Variants in GALNT13 observed in about 807,000 individuals in gnomAD.
The protein encoded by GALNT13 is polypeptide N-acetylgalactosaminyltransferase 13, also known as UDP-GalNAc:polypeptide N-acetylgalactosaminyltransferase 13.
Under a neutral mutation model 64.2 loss-of-function variants are expected in GALNT13, and 28 were observed. The ratio of observed to expected loss-of-function variants is 0.44; its 90% CI spans 0.32 to 0.60. The LOEUF (loss-of-function observed/expected upper bound fraction) is 0.60, where lower values mean the gene tolerates loss of function less well. Among genes scored for constraint, GALNT13 ranks in the 20% least tolerant of loss-of-function variants. GALNT13 has a pLI of 0.05. For synonymous variants in GALNT13, 214 were observed against 224.6 expected (o/e 0.95, Z 0.42); for missense variants, 577 against 669.8 (o/e 0.86, Z 1.53).
chr2:154,086,131 CAT>C (rs890312828), intron 3 of GALNT13, among the ~76,000 whole-genome samples: 22 of 147,850 alleles, frequency 1.5e-4, no homozygotes, highest in African/African-American at 5.4e-4. Context: ...GATTATATAT[CAT>C]ATAATAAAGT....
chr2:153,950,982 A>G (rs572038701), intron 3 of GALNT13, among the ~76,000 whole-genome samples: 29 of 152,258 alleles, frequency 1.9e-4, no homozygotes, highest in African/African-American at 6.5e-4. Flanking sequence ...AATACTGCTT[A>G]AAACACTAAA....
chr2:153,980,541 G>A (rs1193616531), intron 3 of GALNT13, among the ~76,000 whole-genome samples: 10 of 152,252 alleles, frequency 6.6e-5, no homozygotes, highest in South Asian at 2.1e-4. Flanking sequence ...GAGGTGTCGC[G>A]TGGGTGATCA....
the GALNT13 span, among the ~76,000 whole-genome samples, chr2:153,267,042 C>T: frequency 1.3e-5 from 2 of 152,222 alleles, no homozygotes; most frequent in Non-Finnish European, 2.9e-5. Context: ...TTGGCCAAAA[C>T]AAAGGGGCCA....
intron 4 of GALNT13, among the ~76,000 whole-genome samples, chr2:154,171,592 T>C (rs1165609668): frequency 6.6e-6 from 1 of 152,078 alleles, no homozygotes; most frequent in African/African-American, 2.4e-5. Context: ...GAACATACTT[T>C]TCTGAACTCT....
chr2:154,026,003 G>C (rs574285536), intron 3 of GALNT13, among the ~76,000 whole-genome samples: 1 of 152,266 alleles, frequency 6.6e-6, no homozygotes, highest in African/African-American at 2.4e-5. Flanking sequence ...CATTATATAA[G>C]GAATGGGTAT....
the GALNT13 span, among the ~76,000 whole-genome samples, chr2:153,280,018 C>G: frequency 6.6e-6 from 1 of 152,146 alleles, no homozygotes; most frequent in Admixed American, 6.5e-5. Context: ...GGTTGGTAGA[C>G]TTTTTATTAC....
intron 7 of GALNT13, chr2:154,257,844 G>T (rs1357163629): frequency 6.6e-6 from 1 of 152,108 alleles, no homozygotes; most frequent in Non-Finnish European, 1.5e-5. Context: ...AAAACATTTG[G>T]TTTTTAACAG....
the GALNT13 span, among the ~76,000 whole-genome samples, chr2:153,823,151 C>T: frequency 6.6e-6 from 1 of 152,150 alleles, no homozygotes; most frequent in African/African-American, 2.4e-5. Flanking sequence ...AAAACCACTC[C>T]AAGCTCATGA....
At chr2:153,733,504 C>T in the GALNT13 span, among the ~76,000 whole-genome samples, 1 of 152,162 alleles carries the variant, frequency 6.6e-6, no homozygotes, top group Non-Finnish European at 1.5e-5. Context: ...TCCTAATTGT[C>T]TCTCCCAATA....
At chr2:153,093,053 T>TA in the GALNT13 span, among the ~76,000 whole-genome samples, 1 of 150,496 alleles carries the variant, frequency 6.6e-6, no homozygotes, top group African/African-American at 2.5e-5. Context: ...GTTTTTTTTT[T>TA]AATCATGAAG....
the GALNT13 span, among the ~76,000 whole-genome samples, chr2:153,843,952 T>C: frequency 6.6e-6 from 1 of 152,192 alleles, no homozygotes; most frequent in African/African-American, 2.4e-5. Context: ...CCCCTGTGGC[T>C]TTGCAGGGGC....
intron 3 of GALNT13, among the ~76,000 whole-genome samples, chr2:154,127,709 CGT>C (rs1553481965): frequency 9.8e-4 from 123 of 125,892 alleles, no homozygotes; most frequent in African/African-American, 2.8e-3. Flanking sequence ...CACACACACA[CGT>C]GTGTGTGTGT....
At chr2:153,718,757 T>C in the GALNT13 span, among the ~76,000 whole-genome samples, 1 of 152,200 alleles carries the variant, frequency 6.6e-6, no homozygotes, top group African/African-American at 2.4e-5. Flanking sequence ...CTATGTGTTG[T>C]TAAGAACAAT....
At chr2:153,862,891 C>T in the GALNT13 span, among the ~76,000 whole-genome samples, 11 of 152,060 alleles carry the variant, frequency 7.2e-5, no homozygotes, top group Non-Finnish European at 1.5e-5. Context: ...TAAAGAATAT[C>T]CCTTTATTTA....
At chr2:153,887,716 G>A (rs1180548800) in intron 1 of GALNT13, among the ~76,000 whole-genome samples, 4 of 151,924 alleles carry the variant, frequency 2.6e-5, no homozygotes, top group Non-Finnish European at 5.9e-5. Flanking sequence ...TTTGTTAGGT[G>A]TTCTGTGTTA....
the GALNT13 span, among the ~76,000 whole-genome samples, chr2:153,079,084 G>A: frequency 1.1e-4 from 17 of 152,166 alleles, no homozygotes; most frequent in South Asian, 4.2e-4. Context: ...ATTAGGAGAC[G>A]ACTGCCACTG....
chr2:154,363,506 T>A (rs1172389310), intron 9 of GALNT13, among the ~76,000 whole-genome samples: 6 of 152,154 alleles, frequency 3.9e-5, no homozygotes. Flanking sequence ...GCAATTTTGT[T>A]GCAATCACTG....
the GALNT13 span, among the ~76,000 whole-genome samples, chr2:153,268,889 G>A: frequency 6.6e-6 from 1 of 152,170 alleles, no homozygotes; most frequent in Non-Finnish European, 1.5e-5. Context: ...TGGAGTGGCT[G>A]GAACCCAAGG....
chr2:153,504,867 G>A, the GALNT13 span, among the ~76,000 whole-genome samples: 8 of 152,102 alleles, frequency 5.3e-5, no homozygotes, highest in African/African-American at 1.7e-4. Context: ...TCCTTCCCTG[G>A]TTTTGGTATT....
Sources: gnomAD v4.1 joint callset for allele counts (sites outside exome capture counted in the v4.1 genomes callset) on GRCh38, gnomAD v4.1.1 for gene constraint, MANE v1.5 for transcripts, NCBI Gene and HGNC (gene_info 2026-07-23, HGNC 2026-07-21) for gene names.